Variants in ADAM12 observed in about 807,000 individuals in gnomAD.
ADAM12 encodes disintegrin and metalloproteinase domain-containing protein 12.
Under a neutral mutation model 106.4 loss-of-function variants are expected in ADAM12, and 70 were observed. The ratio of observed to expected loss-of-function variants is 0.66; its 90% CI spans 0.54 to 0.80. The LOEUF (loss-of-function observed/expected upper bound fraction) is 0.80. Among genes scored for constraint, ADAM12 ranks in the 30% least tolerant of loss-of-function variants. The pLI, the probability that ADAM12 is intolerant of heterozygous loss-of-function variation, is 0.00. For missense variants in ADAM12, 1,010 were observed against 1,171.9 expected (o/e 0.86, Z 2.02); for synonymous variants, 420 against 433.5 (o/e 0.97, Z 0.39).
In ADAM12 at chr10:126,015,566, G is replaced by A. The variant is rs1159555330; in HGVS notation, c.*1713C>T. On this transcript the variant is annotated 3_prime_UTR_variant, in exon 23 of 23. Coordinates refer to ENST00000448723, the MANE Select transcript of ADAM12 (RefSeq NM_001288973.2). ...GTATTAGAGCTGGGTTCCCTTTTGT[G>A]TGTGTTTGTGTCACGTGTTTAGTTT... 1 of 152,150 alleles carries A rather than the reference G, an allele frequency of 6.6e-6. No homozygotes were observed. Among genetic ancestry groups the A allele is most frequent in the Admixed American group, 6.5e-5 (1 of 15,282 alleles). The allele number at this position is 152,150 out of a possible 1,614,324, so 9.4% of individuals were successfully genotyped here.
intron 3 of ADAM12, among the ~76,000 whole-genome samples, chr10:126,172,369 C>T (rs1038198956): frequency 5.7e-4 from 87 of 152,202 alleles, no homozygotes; most frequent in African/African-American, 2.0e-3. Context: ...TACTAATTTT[C>T]TTGGGTGTAA....
rs559558661 is a variant in ADAM12 at position 126,306,891 on chromosome 10, TTAAC to T, written c.186+23517_186+23520del. On this transcript the variant is annotated intron_variant, in intron 2 of 22. Coordinates refer to ENST00000448723, the MANE Select transcript of ADAM12 (RefSeq NM_001288973.2). The stretch of plus-strand genomic sequence containing the variant: ...GGGCTAAATGAGTTTGAAATTATAA[TTAAC>T]TATTAGTCATAACTTTTGAAAAATT... Among the ~76,000 whole-genome samples, 21 of 152,362 alleles carry T rather than the reference TTAAC, an allele frequency of 1.4e-4. No individual in the cohort carries two copies. The East Asian group carries it at 4.1e-3, about 29-fold the overall frequency.
At chr10:126,054,661 A>G (rs546611711) in intron 14 of ADAM12, among the ~76,000 whole-genome samples, 3 of 152,322 alleles carry the variant, frequency 2.0e-5, no homozygotes, top group South Asian at 2.1e-4. Context: ...CTGGCATTCA[A>G]TGTCCAAAAG....
chr10:126,240,350 T>G (rs923396116), intron 3 of ADAM12, among the ~76,000 whole-genome samples: 8 of 152,244 alleles, frequency 5.3e-5, no homozygotes, highest in African/African-American at 1.9e-4. Flanking sequence ...TGACAGAAGT[T>G]GCACCTGTGC....
chr10:126,125,690 T>G (rs573993731), intron 5 of ADAM12, among the ~76,000 whole-genome samples: 18 of 151,838 alleles, frequency 1.2e-4, no homozygotes, highest in African/African-American at 4.3e-4. Context: ...AGAAAAGATA[T>G]GTTTAAGTCC....
intron 3 of ADAM12, among the ~76,000 whole-genome samples, chr10:126,204,389 G>A (rs1957758034): frequency 6.6e-6 from 1 of 152,218 alleles, no homozygotes; most frequent in Non-Finnish European, 1.5e-5. Context: ...GGCCCAGGAT[G>A]CAGGTGCTGT....
chr10:126,244,869 T>C (rs1958598477), intron 3 of ADAM12, among the ~76,000 whole-genome samples: 1 of 151,966 alleles, frequency 6.6e-6, no homozygotes, highest in Admixed American at 6.6e-5. Flanking sequence ...GATATTGGAG[T>C]TGTACATTAG....
chr10:126,261,800 AGT>A (rs1487956345), intron 3 of ADAM12, among the ~76,000 whole-genome samples: 1 of 102,172 alleles, frequency 9.8e-6, no homozygotes, highest in Non-Finnish European at 1.9e-5. Context: ...ATGGATGGAT[AGT>A]ATTTTTTTTT....
chr10:126,358,889 TATTAGTCC>T (rs1471000253), intron 1 of ADAM12, among the ~76,000 whole-genome samples: 1 of 152,160 alleles, frequency 6.6e-6, no homozygotes, highest in African/African-American at 2.4e-5. Context: ...AAGAATCCTG[TATTAGTCC>T]ATTTTCATGC....
intron 5 of ADAM12, among the ~76,000 whole-genome samples, chr10:126,122,097 C>G (rs1443029658): frequency 6.6e-6 from 1 of 152,164 alleles, no homozygotes; most frequent in Non-Finnish European, 1.5e-5. Flanking sequence ...AACACTTAAT[C>G]CTTCAGAGAA....
chr10:126,377,592 C>T (rs1351093674), intron 1 of ADAM12, among the ~76,000 whole-genome samples: 5 of 152,120 alleles, frequency 3.3e-5, no homozygotes, highest in African/African-American at 1.2e-4. Context: ...TTGGCAACAC[C>T]CTCACAGATA....
At chr10:126,382,484 C>T (rs759237446) in intron 1 of ADAM12, among the ~76,000 whole-genome samples, 1 of 152,230 alleles carries the variant, frequency 6.6e-6, no homozygotes, top group East Asian at 1.9e-4. Flanking sequence ...TTCACAGGCC[C>T]TAGAGCCAGG....
At chr10:126,212,332 T>C (rs188556675) in intron 3 of ADAM12, among the ~76,000 whole-genome samples, 52 of 152,358 alleles carry the variant, frequency 3.4e-4, no homozygotes, top group Admixed American at 3.2e-3. Flanking sequence ...GTTCTAATAA[T>C]GATCATGATG....
intron 3 of ADAM12, among the ~76,000 whole-genome samples, chr10:126,222,529 C>T (rs1044996786): frequency 6.6e-6 from 1 of 151,160 alleles, no homozygotes; most frequent in Non-Finnish European, 1.5e-5. Flanking sequence ...TGCAAAGTGG[C>T]ATCCCTGGCT....
intron 3 of ADAM12, among the ~76,000 whole-genome samples, chr10:126,222,565 G>T (rs374807200): frequency 1.3e-4 from 19 of 151,390 alleles, no homozygotes; most frequent in African/African-American, 4.6e-4. Flanking sequence ...AACCGAGCAC[G>T]CCAGCTGGTA....
At chr10:126,286,595 G>A (rs913224120) in intron 2 of ADAM12, among the ~76,000 whole-genome samples, 1 of 152,162 alleles carries the variant, frequency 6.6e-6, no homozygotes, top group African/African-American at 2.4e-5. Flanking sequence ...ATATTTAGAG[G>A]CAATCTTGAT....
chr10:126,068,147 A>G (rs967782884), intron 12 of ADAM12, among the ~76,000 whole-genome samples: 1 of 152,224 alleles, frequency 6.6e-6, no homozygotes, highest in Non-Finnish European at 1.5e-5. Flanking sequence ...TATGACAGTA[A>G]GGGTTTCTAA....
At chr10:126,349,239 C>A (rs1855264188) in intron 1 of ADAM12, among the ~76,000 whole-genome samples, 1 of 152,200 alleles carries the variant, frequency 6.6e-6, no homozygotes, top group South Asian at 2.1e-4. Context: ...TGCAACCCAA[C>A]TGCTGGAAGA....
At chr10:126,268,322 G>A (rs7920398) in intron 3 of ADAM12, among the ~76,000 whole-genome samples, 34,121 of 152,180 alleles carry the variant, frequency 0.22, 4,063 homozygotes, top group South Asian at 0.32. Flanking sequence ...CCTTTTGAAG[G>A]CTGAATAAAA....
Sources: gnomAD v4.1 joint callset for allele counts (sites outside exome capture counted in the v4.1 genomes callset) on GRCh38, gnomAD v4.1.1 for gene constraint, MANE v1.5 for transcripts, NCBI Gene and HGNC (gene_info 2026-07-23, HGNC 2026-07-21) for gene names.